GALNTL6: variants seen among roughly 807,000 people sequenced by gnomAD.
GALNTL6 encodes the protein polypeptide N-acetylgalactosaminyltransferase-like 6.
A neutral mutation model predicts 73.7 loss-of-function variants in GALNTL6; 46 were observed. The ratio of observed to expected loss-of-function variants is 0.62; its 90% CI spans 0.49 to 0.80. The LOEUF is 0.80. Among genes scored for constraint, GALNTL6 ranks in the 30% least tolerant of loss-of-function variants. GALNTL6 has a pLI of 0.00. For synonymous variants in GALNTL6, 259 were observed against 263.7 expected, an observed-to-expected ratio of 0.98 and a Z score of 0.17; for missense variants, 604 against 755.0, an observed-to-expected ratio of 0.80 and a Z score of 2.34.
intron 2 of GALNTL6, among the ~76,000 whole-genome samples, chr4:172,182,905 A>G (rs1735298622): frequency 6.6e-6 from 1 of 152,056 alleles, no homozygotes; most frequent in Admixed American, 6.6e-5. Flanking sequence ...TTTGTAATAG[A>G]TTAGGTAGGG....
chr4:172,567,363 G>A lies in GALNTL6; in HGVS notation c.553+218674G>A, dbSNP rs1374394812. Among the ~76,000 whole-genome samples, 4 of 152,122 alleles carry A rather than the reference G, an allele frequency of 2.6e-5. No individual in the cohort carries two copies. The East Asian group carries it at 7.7e-4, about 29-fold the overall frequency. On this transcript the variant is annotated intron_variant, in intron 5 of 12. Transcript: ENST00000506823. ...TAAACCTATGTCCTGCTTGTGCCCT[G>A]ATAGGTAAGCCCTGAGATAGTCTAT...
At chr4:172,170,993 A>G (rs1734802005) in intron 2 of GALNTL6, among the ~76,000 whole-genome samples, 1 of 152,228 alleles carries the variant, frequency 6.6e-6, no homozygotes, top group Non-Finnish European at 1.5e-5. Context: ...AAAAGCAATA[A>G]CACACATTAG....
intron 9 of GALNTL6, among the ~76,000 whole-genome samples, chr4:172,935,142 T>C (rs902432707): frequency 6.6e-6 from 1 of 152,152 alleles, no homozygotes; most frequent in African/African-American, 2.4e-5. Context: ...GAGAGTTTCC[T>C]TGGAGGGTCA....
At chr4:172,814,487 G>T (rs2111002461) in intron 7 of GALNTL6, among the ~76,000 whole-genome samples, 1 of 152,110 alleles carries the variant, frequency 6.6e-6, no homozygotes, top group Admixed American at 6.5e-5. Context: ...ATTATCCAAG[G>T]TATACTATAT....
At chr4:172,557,065 G>T (rs1484203326) in intron 5 of GALNTL6, among the ~76,000 whole-genome samples, 1 of 152,078 alleles carries the variant, frequency 6.6e-6, no homozygotes, top group Non-Finnish European at 1.5e-5. Flanking sequence ...GATGCTCCTT[G>T]AAAAAGTATT....
chr4:172,857,971 T>C (rs1744202244), intron 7 of GALNTL6, among the ~76,000 whole-genome samples: 1 of 152,138 alleles, frequency 6.6e-6, no homozygotes, highest in Non-Finnish European at 1.5e-5. Context: ...AAACATGGAG[T>C]TCACTTAATT....
At chr4:172,078,634 TTAGAG>T (rs1283176520) in intron 2 of GALNTL6, among the ~76,000 whole-genome samples, 1 of 152,164 alleles carries the variant, frequency 6.6e-6, no homozygotes, top group African/African-American at 2.4e-5. Flanking sequence ...TTCAAGTTGA[TTAGAG>T]TAAACTTGAA....
At chr4:172,149,124 G>C (rs1734000523) in intron 2 of GALNTL6, among the ~76,000 whole-genome samples, 1 of 152,162 alleles carries the variant, frequency 6.6e-6, no homozygotes, top group Non-Finnish European at 1.5e-5. Flanking sequence ...AACTGCATCA[G>C]ATTCAAATAG....
chr4:172,257,170 A>G (rs879708792), intron 3 of GALNTL6, among the ~76,000 whole-genome samples: 34 of 151,492 alleles, frequency 2.2e-4, no homozygotes, highest in Non-Finnish European at 4.4e-4. Flanking sequence ...ATATAATCCT[A>G]AAGCAATATC....
intron 5 of GALNTL6, among the ~76,000 whole-genome samples, chr4:172,598,650 T>G (rs1339919470): frequency 6.6e-6 from 1 of 152,056 alleles, no homozygotes; most frequent in African/African-American, 2.4e-5. Flanking sequence ...ATTTTAAAAG[T>G]TTTAAATCAT....
intron 2 of GALNTL6, among the ~76,000 whole-genome samples, chr4:172,000,460 C>T (rs536090844): frequency 2.6e-4 from 39 of 152,170 alleles, no homozygotes; most frequent in African/African-American, 8.9e-4. Flanking sequence ...GTGGGTTAAG[C>T]ATTGCCTTTG....
At chr4:173,004,575 G>A (rs368301743) in intron 10 of GALNTL6, among the ~76,000 whole-genome samples, 11 of 152,128 alleles carry the variant, frequency 7.2e-5, no homozygotes, top group African/African-American at 2.7e-4. Context: ...GCAGTGAGCC[G>A]AGATTGAGCC....
intron 3 of GALNTL6, among the ~76,000 whole-genome samples, chr4:172,293,433 C>T (rs1046815515): frequency 8.9e-5 from 7 of 78,588 alleles, no homozygotes; most frequent in African/African-American, 2.7e-4. Flanking sequence ...GCATTAATGA[C>T]TCAATACAAT....
intron 11 of GALNTL6, among the ~76,000 whole-genome samples, chr4:173,011,914 G>A (rs1404504442): frequency 6.6e-6 from 1 of 152,106 alleles, no homozygotes; most frequent in Admixed American, 6.5e-5. Flanking sequence ...TTCGTTTCTT[G>A]TATTTTAGAG....
chr4:173,012,874 G>C (rs1267206897), intron 11 of GALNTL6, among the ~76,000 whole-genome samples: 1 of 152,118 alleles, frequency 6.6e-6, no homozygotes, highest in Non-Finnish European at 1.5e-5. Flanking sequence ...ACGGTGACTC[G>C]CGCCTATAAT....
At chr4:172,274,552 C>T (rs1217097962) in intron 3 of GALNTL6, among the ~76,000 whole-genome samples, 1 of 152,102 alleles carries the variant, frequency 6.6e-6, no homozygotes, top group African/African-American at 2.4e-5. Context: ...CTCTACTCAT[C>T]CCAGAGCATC....
intron 2 of GALNTL6, among the ~76,000 whole-genome samples, chr4:172,136,218 A>G (rs945815711): frequency 2.6e-5 from 4 of 152,074 alleles, no homozygotes; most frequent in Non-Finnish European, 5.9e-5. Context: ...TATTACCTTT[A>G]CCTTGAAAAT....
At chr4:172,588,067 T>C (rs904862189) in intron 5 of GALNTL6, among the ~76,000 whole-genome samples, 1 of 152,124 alleles carries the variant, frequency 6.6e-6, no homozygotes, top group Non-Finnish European at 1.5e-5. Context: ...TTGATATTAG[T>C]AGACTAGCAA....
chr4:172,249,523 A>G (rs1737778137), intron 3 of GALNTL6, among the ~76,000 whole-genome samples: 2 of 152,212 alleles, frequency 1.3e-5, no homozygotes, highest in African/African-American at 2.4e-5. Context: ...TCTCTAGGGC[A>G]TGTCAGAGAC....
Sources: gnomAD v4.1 joint callset for allele counts (sites outside exome capture counted in the v4.1 genomes callset) on GRCh38, gnomAD v4.1.1 for gene constraint, MANE v1.5 for transcripts, NCBI Gene and HGNC (gene_info 2026-07-23, HGNC 2026-07-21) for gene names.